The following TTC21B variants were observed in gnomAD, a reference collection of about 807,000 sequenced individuals.
TTC21B encodes the protein tetratricopeptide repeat protein 21B.
In TTC21B, 127 loss-of-function variants were observed where a neutral mutation model predicts 175.1. That is an observed-to-expected ratio of 0.73 (90% CI 0.63 to 0.84). TTC21B has a LOEUF of 0.84. TTC21B is among the 40% of genes least tolerant of loss of function. TTC21B has a pLI of 0.00. For missense variants in TTC21B, 1,561 were observed against 1,558.3 expected (o/e 1.00, Z -0.03); for synonymous variants, 524 against 524.5 (o/e 1.00, Z 0.01).
chr2:165,917,613 T>C (rs1686225490), intron 13 of TTC21B, 132 bp from the exon 14 acceptor site: 1 of 763,750 alleles, frequency 1.3e-6, no homozygotes, highest in Admixed American at 2.2e-5. Context: ...GGTCTATCTC[T>C]GCCCTCTTAT....
At position 165,908,028 on chromosome 2, in the gene TTC21B, CAT is replaced by C. The variant is rs1339917306; in HGVS notation, c.2462-246_2462-245del. 3.3e-5 allele frequency among the ~76,000 whole-genome samples: 5 copies of C among 152,004 alleles called. No homozygotes were observed. The East Asian group carries it at 9.6e-4, about 29-fold the overall frequency. ...TTAACAACTAGAGGCTTTTCTTAGA[CAT>C]ATATTAGGAGATAACAATTTAACAC... On this transcript the variant is annotated intron_variant, in intron 18 of 28. Transcript: ENST00000243344.
At position 165,949,681 on chromosome 2, in the gene TTC21B, A is replaced by G. The variant is rs147692756; in HGVS notation, c.65T>C (p.Val22Ala). 1.2e-5 allele frequency: 19 copies of G among 1,612,442 alleles called. No individual in the cohort carries two copies. The highest frequency in any genetic ancestry group is 1.5e-5 in the Non-Finnish European group (18 of 1,179,044). ...AATTCCTTCACTGGCAACCAGTAAT[A>G]CATGATGGAAATATCTCTCTTGACA... The part of the protein sequence containing the change: ...YYCQERYFHH[V>A]LLVASEGIKR... Residue 22 changes from valine (V) to alanine (A), a missense_variant, in exon 2 of 29, where the codon GTA becomes GCA. Physicochemically the swap from Val to Ala is moderately conservative, Grantham distance 64. Coordinates refer to ENST00000243344, the MANE Select transcript of TTC21B (RefSeq NM_024753.5).
chr2:165,911,573 C>T (rs756438848), intron 17 of TTC21B, 108 bp from the exon 18 acceptor site: 1 of 1,354,294 alleles, frequency 7.4e-7, no homozygotes, highest in African/African-American at 1.4e-5. Context: ...TAGAAATAAC[C>T]AGGAAGAATT....
intron 11 of TTC21B, among the ~76,000 whole-genome samples, chr2:165,926,660 A>G (rs1686640615): frequency 6.6e-6 from 1 of 151,996 alleles, no homozygotes; most frequent in Admixed American, 6.6e-5. Flanking sequence ...GCCAAAGGAG[A>G]TTAACGTTTG....
intron 15 of TTC21B, among the ~76,000 whole-genome samples, chr2:165,914,696 T>TACGTGCGCGCGCGCGC: frequency 7.0e-6 from 1 of 143,038 alleles, no homozygotes; most frequent in Non-Finnish European, 1.5e-5. Flanking sequence ...TGTGTGTGTG[T>TACGTGCGCGCGCGCGC]GTTGTGTATC....
chr2:165,900,651 T>C (rs866942000), intron 20 of TTC21B, among the ~76,000 whole-genome samples: 2 of 152,122 alleles, frequency 1.3e-5, no homozygotes, highest in Admixed American at 6.5e-5. Flanking sequence ...TAAACACCAA[T>C]TGAAATACAG....
At chr2:165,915,478 A>G in intron 14 of TTC21B, 39 bp from the exon 15 acceptor site, 1 of 1,472,550 alleles carries the variant, frequency 6.8e-7, no homozygotes. Flanking sequence ...CTTCCAAAAT[A>G]GTGAACAAAT....
intron 24 of TTC21B, among the ~76,000 whole-genome samples, chr2:165,889,685 C>T (rs187587041): frequency 5.5e-4 from 83 of 152,246 alleles, no homozygotes; most frequent in African/African-American, 1.8e-3. Context: ...TGGCAATCTA[C>T]CACTAATTTT....
At chr2:165,939,642 A>G (rs547581421) in intron 6 of TTC21B, among the ~76,000 whole-genome samples, 1 of 152,194 alleles carries the variant, frequency 6.6e-6, no homozygotes, top group Admixed American at 6.5e-5. Context: ...TACTAGCTAT[A>G]GCCTAGACCT....
intron 22 of TTC21B, among the ~76,000 whole-genome samples, chr2:165,896,130 CAGA>C (rs1685355451): frequency 6.6e-4 from 1 of 1,506 alleles, no homozygotes; most frequent in South Asian, 0.5. Context: ...GCTCTGAGCA[CAGA>C]TGCCTAGGGC....
rs1686132663 is a variant in TTC21B, at chr2:165,915,437, A to G, written c.1902T>C (p.His634=). 4 of 1,610,892 alleles carry G rather than the reference A, an allele frequency of 2.5e-6. No individual in the cohort carries two copies. Among genetic ancestry groups the G allele is most frequent in the Admixed American group, 1.7e-5 (1 of 59,996 alleles). The change falls in exon 15 of 29, where the codon CAT becomes CAC. Residue 634 remains histidine, a splice_region_variant and synonymous_variant. Coordinates refer to ENST00000243344, the MANE Select transcript of TTC21B (RefSeq NM_024753.5). ...IDVHRLNGEQ[H]EATKVLQDAI... ...CATCTTGTAAAACTTTGGTTGCCTC[A>G]TGCTGTAAAGATGAAATTAAAATAA...
intron 12 of TTC21B, among the ~76,000 whole-genome samples, chr2:165,922,622 T>C (rs1017780527): frequency 5.5e-5 from 8 of 146,460 alleles, no homozygotes; most frequent in Non-Finnish European, 7.5e-5. Flanking sequence ...GGAACACTTA[T>C]ACATTGCTAG....
At chr2:165,884,557 C>A (rs376752842) in intron 25 of TTC21B, among the ~76,000 whole-genome samples, 3 of 151,966 alleles carry the variant, frequency 2.0e-5, no homozygotes, top group Non-Finnish European at 4.4e-5. Context: ...GTTTGAATAA[C>A]GAAATGTTAA....
At position 165,941,130 on chromosome 2, in the gene TTC21B, G is replaced by A; in HGVS notation, c.607C>T (p.Gln203Ter). The change falls in exon 6 of 29, where the codon CAG becomes TAG. Residue 203 changes from glutamine (Q) to a stop codon, truncating the protein, a stop_gained. Transcript: ENST00000243344. LOFTEE classifies it high-confidence loss of function. ...AAGCTCGGAAAATTCACGATTATCT[G>A]GTTCACAGTCTCCAGGGCACCTGAA... is the stretch of plus-strand genomic sequence containing the variant. ...NYSGALETVN[Q>*]IIVNFPSFLP... The A allele has an allele frequency of 6.2e-7, 1 of 1,613,884 alleles. No individual in the cohort carries two copies. Among genetic ancestry groups the A allele is most frequent in the Admixed American group, 1.7e-5 (1 of 59,978 alleles).
chr2:165,911,546 T>TA (rs1685934582), intron 17 of TTC21B, 81 bp from the exon 18 acceptor site: 8 of 1,527,366 alleles, frequency 5.2e-6, no homozygotes, highest in Non-Finnish European at 7.2e-6. Context: ...ATTACAGACT[T>TA]AAAGCATTGG....
At chr2:165,887,559 C>T (rs1451750111) in intron 25 of TTC21B, among the ~76,000 whole-genome samples, 4 of 151,864 alleles carry the variant, frequency 2.6e-5, no homozygotes, top group Non-Finnish European at 5.9e-5. Context: ...TGGTGGCAGG[C>T]GCTTATAATC....
intron 25 of TTC21B, among the ~76,000 whole-genome samples, chr2:165,887,176 GTT>G (rs1685024733): frequency 1.3e-5 from 2 of 152,322 alleles, no homozygotes; most frequent in Non-Finnish European, 2.9e-5. Flanking sequence ...GCTTTGGGTA[GTT>G]TATTGCTGCC....
In TTC21B at chr2:165,945,580, C is replaced by T. The variant is rs988922649; in HGVS notation, c.373G>A (p.Asp125Asn). 6.2e-7 allele frequency: 1 copy of T among 1,613,730 alleles called. No individual in the cohort carries two copies. Among genetic ancestry groups the T allele is most frequent in the Non-Finnish European group, 8.5e-7 (1 of 1,179,854 alleles). The change falls in exon 4 of 29, where the codon GAT (aspartate) becomes AAT (asparagine). Residue 125 changes from aspartate to asparagine, a missense_variant. By Grantham distance (23) the Asp-to-Asn change is conservative (BLOSUM62 1). Transcript: ENST00000243344. ...CTGTCAATATATTCCCTTGCTTTAT[C>T]ATGGCGACCAATGTGCCATAAAAAT... The part of the protein sequence containing the change: ...GLFLWHIGRH[D>N]KAREYIDRMI...
At chr2:165,936,475 T>C (rs1687150424) in intron 6 of TTC21B, among the ~76,000 whole-genome samples, 1 of 152,004 alleles carries the variant, frequency 6.6e-6, no homozygotes, top group Non-Finnish European at 1.5e-5. Context: ...TTCATTAAAA[T>C]TAAAAATTTC....
Sources: allele counts gnomAD v4.1 joint callset (sites outside exome capture counted in the v4.1 genomes callset), GRCh38; gene constraint gnomAD v4.1.1; transcripts MANE v1.5; gene names NCBI Gene and HGNC (gene_info 2026-07-23, HGNC 2026-07-21).